Variants in DLGAP1 observed in about 807,000 individuals in gnomAD.
DLGAP1 encodes the protein disks large-associated protein 1.
Under a neutral mutation model 90.8 loss-of-function variants are expected in DLGAP1, and 11 were observed. That is an observed-to-expected ratio of 0.12 (90% CI 0.08 to 0.20). The LOEUF is 0.20. Among genes scored for constraint, DLGAP1 ranks in the 10% least tolerant of loss-of-function variants. The probability of loss-of-function intolerance (pLI) is 1.00; values close to 1 mark genes in which losing one functional copy is unlikely to be tolerated. For synonymous variants in DLGAP1, 558 were observed against 540.7 expected, an observed-to-expected ratio of 1.03 and a Z score of -0.44; for missense variants, 1,050 against 1,333.8, an observed-to-expected ratio of 0.79 and a Z score of 3.31.
intron 1 of DLGAP1, among the ~76,000 whole-genome samples, chr18:4,361,997 A>G (rs2081640380): frequency 1.3e-5 from 2 of 152,216 alleles, no homozygotes; most frequent in South Asian, 4.1e-4. Flanking sequence ...CAACATCACT[A>G]ATCAGTAGGG....
At chr18:4,261,759 G>A (rs768215559) in intron 1 of DLGAP1, among the ~76,000 whole-genome samples, 98 of 152,130 alleles carry the variant, frequency 6.4e-4, no homozygotes, top group Non-Finnish European at 1.1e-3. Flanking sequence ...AAATGGGCTC[G>A]ATGTTCCTCA....
chr18:4,192,578 T>A (rs1408643534), intron 1 of DLGAP1, among the ~76,000 whole-genome samples: 1 of 152,242 alleles, frequency 6.6e-6, no homozygotes, highest in African/African-American at 2.4e-5. Flanking sequence ...TTTGTAAATG[T>A]AACCTCTTTT....
intron 1 of DLGAP1, among the ~76,000 whole-genome samples, chr18:4,327,131 T>G (rs2080838130): frequency 6.6e-6 from 1 of 152,074 alleles, no homozygotes; most frequent in Non-Finnish European, 1.5e-5. Context: ...GAAATAAGTT[T>G]TTGAGATGTA....
intron 5 of DLGAP1, among the ~76,000 whole-genome samples, chr18:3,743,643 C>T (rs899032195): frequency 1.1e-4 from 16 of 148,328 alleles, no homozygotes; most frequent in Admixed American, 9.4e-4. Flanking sequence ...CGTGAGCCAC[C>T]GCGCCCGGCC....
chr18:3,674,309 A>ATATATATATATATATG (rs1555624007), intron 7 of DLGAP1, among the ~76,000 whole-genome samples: 2 of 140,512 alleles, frequency 1.4e-5, no homozygotes, highest in African/African-American at 5.7e-5. Context: ...ATATATATAT[A>ATATATATATATATATG]TATGTATATT....
chr18:4,391,007 C>T (rs1370659840), intron 1 of DLGAP1, among the ~76,000 whole-genome samples: 2 of 152,186 alleles, frequency 1.3e-5, no homozygotes, highest in African/African-American at 4.8e-5. Flanking sequence ...CTTAAACACA[C>T]TGTTACCTGA....
At chr18:4,354,279 A>G (rs1296694952) in intron 1 of DLGAP1, among the ~76,000 whole-genome samples, 1 of 152,228 alleles carries the variant, frequency 6.6e-6, no homozygotes, top group Non-Finnish European at 1.5e-5. Flanking sequence ...CATAAAACCT[A>G]GAACGATTAC....
At chr18:4,023,149 T>C (rs902299244) in intron 2 of DLGAP1, among the ~76,000 whole-genome samples, 5 of 152,256 alleles carry the variant, frequency 3.3e-5, no homozygotes, top group African/African-American at 9.6e-5. Context: ...ATTTAATTAG[T>C]ATTTTCCTAA....
chr18:4,322,828 G>A (rs899196509), intron 1 of DLGAP1, among the ~76,000 whole-genome samples: 4 of 151,698 alleles, frequency 2.6e-5, no homozygotes, highest in Admixed American at 6.6e-5. Context: ...AGGCGTTTTG[G>A]CGGGCGCCTG....
intron 5 of DLGAP1, 61 bp downstream of exon 5, chr18:3,813,998 T>C (rs1057270368): frequency 1.3e-6 from 2 of 1,542,150 alleles, no homozygotes; most frequent in Admixed American, 1.7e-5. Flanking sequence ...ACACACCATC[T>C]GAGCCTCGGT....
chr18:4,011,677 A>G (rs2074425146), intron 2 of DLGAP1, among the ~76,000 whole-genome samples: 2 of 151,964 alleles, frequency 1.3e-5, no homozygotes, highest in African/African-American at 4.8e-5. Flanking sequence ...TAAAAAAATT[A>G]GCTGGATGTG....
intron 2 of DLGAP1, among the ~76,000 whole-genome samples, chr18:4,013,338 T>C (rs2074462422): frequency 6.6e-6 from 1 of 152,200 alleles, no homozygotes; most frequent in African/African-American, 2.4e-5. Flanking sequence ...GCACAGGGTT[T>C]CCCTCACACA....
chr18:4,203,430 C>T (rs1049217252), intron 1 of DLGAP1, among the ~76,000 whole-genome samples: 3 of 152,024 alleles, frequency 2.0e-5, no homozygotes, highest in African/African-American at 7.2e-5. Flanking sequence ...CGGGTAGAAT[C>T]GAGTTCCATT....
chr18:3,600,869 TATAG>T lies in DLGAP1; in HGVS notation c.1592-18625_1592-18622del, dbSNP rs2056926157. Among the ~76,000 whole-genome samples, 2 of 77,866 alleles carry T rather than the reference TATAG, an allele frequency of 2.6e-5. 1 individual carries two copies. The highest frequency in any genetic ancestry group is 1.1e-4 in the African/African-American group (2 of 17,540). The allele number at this position is 77,866 out of a possible 152,430, so 51.1% of individuals were successfully genotyped here. On this transcript the variant is annotated intron_variant, in intron 7 of 12. Transcript: ENST00000315677. ...ATAGATATATAGATATATATAGATATATAGATATATAGATAGATATATAGATATA... is the reference window on the plus strand; with the variant it reads ...ATAGATATATAGATATATATAGATATATATATAGATAGATATATAGATATA...
chr18:3,706,282 G>A (rs2061431407), intron 7 of DLGAP1, among the ~76,000 whole-genome samples: 1 of 152,176 alleles, frequency 6.6e-6, no homozygotes, highest in Non-Finnish European at 1.5e-5. Flanking sequence ...ACAGGCGTGA[G>A]CCACCACGCC....
In DLGAP1 at chr18:3,995,732, A is replaced by C. The variant is rs533103262; in HGVS notation, c.-73+9384T>G. On this transcript the variant is annotated intron_variant, in intron 3 of 12. Transcript: ENST00000315677. ...TTGGTGCAACGTGAGTAAAAAAAAA[A>C]AAACCACCAAGATTTACTTTCAATA... 2.6e-5 allele frequency: 4 copies of C among 152,004 alleles called. No individual in the cohort carries two copies. The South Asian group carries it at 8.3e-4, about 32-fold the overall frequency. The allele number at this position is 152,004 out of a possible 1,614,324, so 9.4% of individuals were successfully genotyped here.
At chr18:3,500,969 A>C (rs1471140303) in intron 12 of DLGAP1, among the ~76,000 whole-genome samples, 1 of 152,154 alleles carries the variant, frequency 6.6e-6, no homozygotes, top group African/African-American at 2.4e-5. Flanking sequence ...GCTGGAGTGC[A>C]GTGGCGCAAC....
At chr18:3,948,665 G>A (rs1037715328) in intron 3 of DLGAP1, among the ~76,000 whole-genome samples, 1 of 152,222 alleles carries the variant, frequency 6.6e-6, no homozygotes, top group Non-Finnish European at 1.5e-5. Flanking sequence ...GGATGGGACT[G>A]CAGACTATTA....
chr18:4,086,726 T>C (rs1216706331), intron 2 of DLGAP1, among the ~76,000 whole-genome samples: 1 of 152,118 alleles, frequency 6.6e-6, no homozygotes, highest in Non-Finnish European at 1.5e-5. Context: ...ATGATCTCTC[T>C]TGGTGAATGC....
Sources: gnomAD v4.1 joint callset for allele counts (sites outside exome capture counted in the v4.1 genomes callset) on GRCh38, gnomAD v4.1.1 for gene constraint, MANE v1.5 for transcripts, NCBI Gene and HGNC (gene_info 2026-07-23, HGNC 2026-07-21) for gene names.